The following DHX38 variants were observed in gnomAD, a reference collection of about 807,000 sequenced individuals.
DHX38 encodes the protein pre-mRNA-splicing factor ATP-dependent RNA helicase PRP16.
DHX38 carries 100 observed loss-of-function variants against 153.1 expected under a neutral mutation model. That is an observed-to-expected ratio of 0.65 (90% CI 0.56 to 0.77). The LOEUF (loss-of-function observed/expected upper bound fraction) is 0.77. Among genes scored for constraint, DHX38 ranks in the 30% least tolerant of loss-of-function variants. DHX38 has a pLI of 0.00. For missense variants in DHX38, 1,440 were observed against 1,654.0 expected (o/e 0.87, Z 2.24); for synonymous variants, 650 against 631.7 (o/e 1.03, Z -0.43).
At chr16:72,112,310 A>C in intron 26 of DHX38, 103 bp from the exon 27 acceptor site, 2 of 1,169,826 alleles carry the variant, frequency 1.7e-6, no homozygotes, top group Non-Finnish European at 1.3e-6. Flanking sequence ...AGAGCTCCCC[A>C]CCATGGGTTA....
rs2042201431 is a variant in DHX38, at chr16:72,107,864, T to C, written c.2964+65T>C. The stretch of plus-strand genomic sequence containing the variant: ...AGGAAGTGTTGGGGAGGGGAATGGC[T>C]TCTCTCTGTATTACTGAAATGGAAC... On this transcript the variant is annotated intron_variant, in intron 21 of 26. Coordinates refer to ENST00000268482, the MANE Select transcript of DHX38 (RefSeq NM_014003.4). The surrounding 1 kb of genome is among the most constrained non-coding windows in gnomAD (Gnocchi z 5.3). 1.3e-6 allele frequency: 2 copies of C among 1,572,420 alleles called. No homozygotes were observed. Among genetic ancestry groups the C allele is most frequent in the Admixed American group, 3.4e-5 (2 of 58,256 alleles).
rs757762935 is a variant in DHX38, at chr16:72,097,820, G to T, written c.616+39G>T. 4 of 1,561,042 alleles carry T rather than the reference G, an allele frequency of 2.6e-6. No homozygotes were observed. In the East Asian group the frequency reaches 9.1e-5, roughly 36 times the overall value. The stretch of plus-strand genomic sequence containing the variant: ...TTTGGTGGCTTGTGAGGATTCAAGT[G>T]TATAAAAGGCAGAGTGAGTGACTCT... On this transcript the variant is annotated intron_variant, in intron 4 of 26. Transcript: ENST00000268482.
chr16:72,107,867 T>C lies in DHX38; in HGVS notation c.2964+68T>C. On this transcript the variant is annotated intron_variant, in intron 21 of 26. Coordinates refer to ENST00000268482, the MANE Select transcript of DHX38 (RefSeq NM_014003.4). The surrounding 1 kb of genome is among the most constrained non-coding windows in gnomAD (Gnocchi z 5.3). ...AAGTGTTGGGGAGGGGAATGGCTTC[T>C]CTCTGTATTACTGAAATGGAACAGA... The C allele has an allele frequency of 1.3e-6, 2 of 1,564,854 alleles. No homozygotes were observed. The highest frequency in any genetic ancestry group is 1.7e-6 in the Non-Finnish European group (2 of 1,153,648).
intron 22 of DHX38, 23 bp downstream of exon 22, chr16:72,108,405 T>C: frequency 6.2e-7 from 1 of 1,613,838 alleles, no homozygotes; most frequent in South Asian, 1.1e-5. Flanking sequence ...ATGAGCAGGA[T>C]GTTGGGATGA....
intron 18 of DHX38, 26 bp from the exon 19 acceptor site, chr16:72,105,979 G>A (rs374820244): frequency 7.5e-6 from 12 of 1,606,314 alleles, no homozygotes; most frequent in African/African-American, 5.3e-5. Context: ...TCTGTCCTTC[G>A]TCAGCTCTTT....
rs1029928927 is a variant in DHX38 at position 72,109,327 on chromosome 16, C to T, written c.3382-88C>T. ...GCCTTGCAGGGCCAGGGATTGGGCC[C>T]TTCCCATGTGGCTCCTAATTGTGGA... On this transcript the variant is annotated intron_variant, in intron 24 of 26. Coordinates refer to ENST00000268482, the MANE Select transcript of DHX38 (RefSeq NM_014003.4). 5.6e-5 allele frequency: 81 copies of T among 1,442,984 alleles called. 1 individual carries two copies. In the Admixed American group the frequency reaches 1.5e-3, roughly 27 times the overall value. The allele number at this position is 1,442,984 out of a possible 1,614,324, so 89.4% of individuals were successfully genotyped here.
rs1347660881 is a variant in DHX38 at position 72,108,259 on chromosome 16, G to T, written c.2997G>T (p.Glu999Asp). 6.2e-7 allele frequency: 1 copy of T among 1,614,082 alleles called. No individual in the cohort carries two copies. ...AGGAGGAGAGTGATCAAATCCGGGA[G>T]AAGTTCGCTGTTCCTGAGAGCGATC... ...GREEESDQIR[E>D]KFAVPESDHL... Residue 999 changes from glutamate (E) to aspartate (D), a missense_variant, in exon 22 of 27, where the codon GAG (glutamate) becomes GAT (aspartate). Around this residue, in one of 6 missense-constraint regions of DHX38, gnomAD observed 543 missense variants for 717.9 expected, o/e 0.76. Transcript: ENST00000268482.
Position 72,108,459 on chromosome 16 carries a change from GTC to G in DHX38, c.3121-11_3121-10del, listed in dbSNP as rs745484143. The stretch of plus-strand genomic sequence containing the variant: ...AGGAGGGCTCCCTCCTGGTGCCTCC[GTC>G]TCCTGCCCTAGGTCCGGGAGGTGCG... On this transcript the variant is annotated splice_polypyrimidine_tract_variant and intron_variant, in intron 22 of 26. Coordinates refer to ENST00000268482, the MANE Select transcript of DHX38 (RefSeq NM_014003.4). The G allele has an allele frequency of 2.2e-5, 36 of 1,613,930 alleles. No individual in the cohort carries two copies. Among genetic ancestry groups the G allele is most frequent in the Middle Eastern group, 1.7e-4 (1 of 6,060 alleles).
intron 4 of DHX38, 123 bp downstream of exon 4, chr16:72,097,904 C>A (rs950296841): frequency 8.4e-6 from 8 of 957,870 alleles, no homozygotes; most frequent in Non-Finnish European, 1.3e-5. Context: ...CCATGAACAT[C>A]TTGGGATAGT....
chr16:72,111,891 G>A (rs1056926688), intron 26 of DHX38, among the ~76,000 whole-genome samples: 3 of 152,202 alleles, frequency 2.0e-5, no homozygotes, highest in South Asian at 4.1e-4. Context: ...CTGATAGCAC[G>A]TGGCTCAGAG....
At position 72,107,283 on chromosome 16, in the gene DHX38, G is replaced by T. The variant is rs2042191138; in HGVS notation, c.2601-57G>T. ...CCTCCCTCCCTGTGGGATTTCATCT[G>T]TACTGGCTGCTGTGGGGTTTCCTTG... On this transcript the variant is annotated intron_variant, in intron 19 of 26. Transcript: ENST00000268482. This position sits in a 1 kb window ranked among gnomAD's most constrained non-coding sequence, Gnocchi z 5.3. 1.3e-6 allele frequency: 2 copies of T among 1,544,160 alleles called. No individual in the cohort carries two copies. Among genetic ancestry groups the T allele is most frequent in the Non-Finnish European group, 8.7e-7 (1 of 1,143,252 alleles).
chr16:72,111,068 G>C lies in DHX38; in HGVS notation c.3590G>C (p.Gly1197Ala). ...GAGCAGGAGAAGCGCAGCCCCCTGG[G>C]CAGTGTCAGGTGAGCTCCGGCCTTC... ...RQEQEKRSPLGSVRSTKIYTP... is the reference protein window; with the variant it reads ...RQEQEKRSPLASVRSTKIYTP... Residue 1197 changes from glycine to alanine, a missense_variant, in exon 26 of 27, where the codon GGC becomes GCC. By Grantham distance (60) the Gly-to-Ala change is moderately conservative. Coordinates refer to ENST00000268482, the MANE Select transcript of DHX38 (RefSeq NM_014003.4). 1 of 1,564,468 alleles carries C rather than the reference G, an allele frequency of 6.4e-7. No individual in the cohort carries two copies. The highest frequency in any genetic ancestry group is 2.4e-5 in the East Asian group (1 of 42,064).
chr16:72,098,860 G>A, intron 5 of DHX38, 67 bp from the exon 6 acceptor site: 1 of 1,613,760 alleles, frequency 6.2e-7, no homozygotes, highest in Non-Finnish European at 8.5e-7. Flanking sequence ...AGGGAGAGCA[G>A]ATGGTGGCCA....
At position 72,107,365 on chromosome 16, in the gene DHX38, A is replaced by G; in HGVS notation, c.2626A>G (p.Asn876Asp). 1.2e-6 allele frequency: 2 copies of G among 1,612,128 alleles called. No individual in the cohort carries two copies. Among genetic ancestry groups the G allele is most frequent in the East Asian group, 4.5e-5 (2 of 44,868 alleles). Residue 876 changes from asparagine to aspartate, a missense_variant, in exon 20 of 27, where the codon AAT (asparagine) becomes GAT (aspartate). Around this residue, in one of 6 missense-constraint regions of DHX38, gnomAD observed 543 missense variants for 717.9 expected, o/e 0.76. Coordinates refer to ENST00000268482, the MANE Select transcript of DHX38 (RefSeq NM_014003.4). The surrounding 1 kb of genome is among the most constrained non-coding windows in gnomAD (Gnocchi z 5.3). ...GCTCTACACCCAGAGCGCCTACAAGAATGAGCTCCTGACCACCACAGTGCC... is the reference window on the plus strand; with the variant it reads ...GCTCTACACCCAGAGCGCCTACAAGGATGAGCTCCTGACCACCACAGTGCC... ...FRLYTQSAYK[N>D]ELLTTTVPEI...
At chr16:72,103,034 G>T (rs781478398) in intron 11 of DHX38, 40 bp from the exon 12 acceptor site, 3 of 1,607,734 alleles carry the variant, frequency 1.9e-6, no homozygotes, top group Admixed American at 1.7e-5. Flanking sequence ...GGACAGCATG[G>T]GGCACCATGC....
At chr16:72,099,644 C>T (rs1484409674) in intron 7 of DHX38, 88 bp from the exon 8 acceptor site, 1 of 1,538,858 alleles carries the variant, frequency 6.5e-7, no homozygotes, top group East Asian at 2.3e-5. Flanking sequence ...TAGTGACTTC[C>T]TACCAAGCGT....
At position 72,100,033 on chromosome 16, in the gene DHX38, G is replaced by T; in HGVS notation, c.1116+146G>T. The T allele has an allele frequency of 2.7e-6, 3 of 1,115,444 alleles. No individual in the cohort carries two copies. The East Asian group carries it at 7.8e-5, about 29-fold the overall frequency. 69.1% of individuals were successfully genotyped at this position (1,115,444 alleles called of 1,614,324 possible). On this transcript the variant is annotated intron_variant, in intron 8 of 26. Coordinates refer to ENST00000268482, the MANE Select transcript of DHX38 (RefSeq NM_014003.4). ...ATCCTCTGGAGGTGGAAGAGGAGTG[G>T]GTGATGAGCCTTTTAGTAGCTTAAG...
rs1415450076 is a variant in DHX38, at chr16:72,107,533, G to T, written c.2794G>T (p.Ala932Ser). ...TATGTATCAGCTCTGGATCCTCGGG[G>T]CCCTGGACAACACAGGTGAGGCGGC... ...NSMYQLWILGALDNTGGLTST... is the reference protein window; with the variant it reads ...NSMYQLWILGSLDNTGGLTST... Residue 932 changes from alanine to serine, a missense_variant, in exon 20 of 27, where the codon GCC (alanine) becomes TCC (serine). By Grantham distance (99) the Ala-to-Ser change is moderately conservative. Coordinates refer to ENST00000268482, the MANE Select transcript of DHX38 (RefSeq NM_014003.4). The surrounding 1 kb of genome is among the most constrained non-coding windows in gnomAD (Gnocchi z 5.3). 5.6e-6 allele frequency: 9 copies of T among 1,613,738 alleles called. No individual in the cohort carries two copies. Among genetic ancestry groups the T allele is most frequent in the Non-Finnish European group, 7.6e-6 (9 of 1,179,696 alleles).
intron 6 of DHX38, 53 bp from the exon 7 acceptor site, chr16:72,099,151 G>A (rs1054171313): frequency 3.0e-5 from 48 of 1,595,384 alleles, no homozygotes; most frequent in Non-Finnish European, 3.9e-5. Context: ...TCTGTCTGGG[G>A]CCGCTGGGGA....
Sources: gnomAD v4.1 joint callset for allele counts (sites outside exome capture counted in the v4.1 genomes callset) on GRCh38, gnomAD v4.1.1 for gene constraint, gnomAD v4.1.1 regional missense constraint, Gnocchi (gnomAD v3.1) non-coding constraint, MANE v1.5 for transcripts, NCBI Gene and HGNC (gene_info 2026-07-23, HGNC 2026-07-21) for gene names.